SS18: variants seen among roughly 807,000 people sequenced by gnomAD.
SS18 encodes protein SSXT.
A neutral mutation model predicts 72.5 loss-of-function variants in SS18; 28 were observed. The observed-to-expected ratio is 0.39, with a 90% CI of 0.29 to 0.53. SS18 has a LOEUF of 0.53. SS18 is among the 20% of genes least tolerant of loss of function. The pLI is 0.76. For missense variants in SS18, 518 were observed against 535.3 expected, an observed-to-expected ratio of 0.97 and a Z score of 0.32; for synonymous variants, 172 against 164.2, an observed-to-expected ratio of 1.05 and a Z score of -0.37.
chr18:26,089,463 G>A (rs2054675569), intron 1 of SS18, among the ~76,000 whole-genome samples: 1 of 152,234 alleles, frequency 6.6e-6, no homozygotes, highest in African/African-American at 2.4e-5. Flanking sequence ...AACAGAAACC[G>A]ATTAGCATAA....
intron 9 of SS18, among the ~76,000 whole-genome samples, chr18:26,034,266 T>C (rs2053591348): frequency 1.3e-5 from 2 of 152,082 alleles, no homozygotes; most frequent in South Asian, 4.1e-4. Context: ...AGAGACCCTG[T>C]TAGGAAGAGA....
chr18:26,034,963 C>A lies in SS18; in HGVS notation c.1096+42G>T, dbSNP rs201779532. 3 of 1,581,408 alleles carry A rather than the reference C, an allele frequency of 1.9e-6. 1 individual carries two copies. Among genetic ancestry groups the A allele is most frequent in the South Asian group, 2.3e-5 (2 of 85,150 alleles). On this transcript the variant is annotated intron_variant, in intron 9 of 10. Transcript: ENST00000415083. ...CACTTCCATATTTTAAAACAATCAG[C>A]ACATTTTTTTGGTGATAAAAATACA... is the stretch of plus-strand genomic sequence containing the variant.
chr18:26,047,947 T>A (rs1378274573), intron 5 of SS18, among the ~76,000 whole-genome samples: 4 of 152,218 alleles, frequency 2.6e-5, no homozygotes, highest in Admixed American at 2.6e-4. Flanking sequence ...ACTTAACCTA[T>A]AAACAACTCC....
intron 3 of SS18, among the ~76,000 whole-genome samples, chr18:26,065,178 T>C (rs1012936469): frequency 9.9e-5 from 15 of 152,136 alleles, no homozygotes; most frequent in Admixed American, 4.6e-4. Context: ...CAAGATTCCA[T>C]GCAATCCCAA....
At chr18:26,057,879 T>G (rs544866279) in intron 3 of SS18, 137 bp from the exon 4 acceptor site, 1 of 791,942 alleles carries the variant, frequency 1.3e-6, no homozygotes, top group South Asian at 2.9e-5. Flanking sequence ...CTAATGCATT[T>G]TCATCATGAA....
chr18:26,062,580 C>A (rs2054143017), intron 3 of SS18, among the ~76,000 whole-genome samples: 1 of 152,156 alleles, frequency 6.6e-6, no homozygotes, highest in Admixed American at 6.5e-5. Flanking sequence ...ATGGACCCAT[C>A]ATTCCAATTA....
At chr18:26,019,447 G>A (rs1417120285) in intron 10 of SS18, among the ~76,000 whole-genome samples, 1 of 152,012 alleles carries the variant, frequency 6.6e-6, no homozygotes, top group Non-Finnish European at 1.5e-5. Context: ...CATTTCCACA[G>A]AAGTAAATAC....
chr18:26,057,101 T>A (rs1285838906), intron 4 of SS18, among the ~76,000 whole-genome samples: 1 of 152,204 alleles, frequency 6.6e-6, no homozygotes, highest in African/African-American at 2.4e-5. Flanking sequence ...ATTAAAAAAA[T>A]TTAGATTCAG....
At chr18:26,060,438 G>C (rs565359931) in intron 3 of SS18, among the ~76,000 whole-genome samples, 139 of 152,168 alleles carry the variant, frequency 9.1e-4, no homozygotes, top group African/African-American at 3.3e-3. Flanking sequence ...CACTTTATTA[G>C]GGTAGTGAAA....
intron 3 of SS18, among the ~76,000 whole-genome samples, chr18:26,059,593 ACT>A (rs2144031043): frequency 1.3e-5 from 2 of 152,152 alleles, no homozygotes; most frequent in African/African-American, 4.8e-5. Flanking sequence ...AATAACTCCA[ACT>A]CTCTGTTGAG....
At chr18:26,071,037 T>A (rs1036814106) in intron 3 of SS18, among the ~76,000 whole-genome samples, 7 of 152,064 alleles carry the variant, frequency 4.6e-5, no homozygotes, top group African/African-American at 1.4e-4. Flanking sequence ...AAAAATGAAC[T>A]GGAAAACTGG....
intron 3 of SS18, among the ~76,000 whole-genome samples, chr18:26,076,259 A>G (rs1157232727): frequency 6.6e-6 from 1 of 151,720 alleles, no homozygotes; most frequent in Non-Finnish European, 1.5e-5. Context: ...ACCAACAGCC[A>G]AGATATTCTT....
At chr18:26,076,806 C>T (rs2054422372) in intron 3 of SS18, among the ~76,000 whole-genome samples, 1 of 151,864 alleles carries the variant, frequency 6.6e-6, no homozygotes. Flanking sequence ...CAAAGAATGA[C>T]TGCAAGGGAT....
intron 3 of SS18, among the ~76,000 whole-genome samples, chr18:26,058,459 C>T (rs1273775931): frequency 6.6e-6 from 1 of 152,158 alleles, no homozygotes; most frequent in African/African-American, 2.4e-5. Flanking sequence ...AGAAAGCAAA[C>T]GGTTAGTTTC....
intron 3 of SS18, among the ~76,000 whole-genome samples, chr18:26,064,126 T>C (rs999987967): frequency 6.6e-6 from 1 of 152,052 alleles, no homozygotes; most frequent in Non-Finnish European, 1.5e-5. Context: ...ACTGAAACAA[T>C]CCTCTATTTA....
At chr18:26,047,810 T>C (rs1294071625) in intron 5 of SS18, among the ~76,000 whole-genome samples, 1 of 135,774 alleles carries the variant, frequency 7.4e-6, no homozygotes, top group Admixed American at 7.0e-5. Flanking sequence ...GCCACTGCAC[T>C]CCAGCCTCAG....
In SS18 at chr18:26,039,417, T is replaced by G; in HGVS notation, c.647A>C (p.Asn216Thr). 1 of 1,613,784 alleles carries G rather than the reference T, an allele frequency of 6.2e-7. No homozygotes were observed. Among genetic ancestry groups the G allele is most frequent in the South Asian group, 1.1e-5 (1 of 91,056 alleles). Residue 216 changes from asparagine (N) to threonine (T), a missense_variant, in exon 6 of 11, where the codon AAT becomes ACT. Coordinates refer to ENST00000415083, the MANE Select transcript of SS18 (RefSeq NM_001007559.3). ...MHQQPPSQQYNMPQGGGQHYQ... is the reference protein window; with the variant it reads ...MHQQPPSQQYTMPQGGGQHYQ... The stretch of plus-strand genomic sequence containing the variant: ...ATGCTGTCCGCCTCCCTGTGGCATA[T>G]TGTATTGCTGAGAAGGAGGCTGCTG...
intron 3 of SS18, among the ~76,000 whole-genome samples, chr18:26,067,744 G>C (rs551786384): frequency 6.6e-6 from 1 of 152,290 alleles, no homozygotes; most frequent in African/African-American, 2.4e-5. Context: ...AACTATCATG[G>C]AAGCTAAAGA....
rs1203930229 is a variant in SS18 at position 26,035,961 on chromosome 18, T to C, written c.881-38A>G. ...GACAAGAGACAGGAAGAAACGTTAATGGCCACTGAGTGAAAACCCTAAAAA... is the reference window on the plus strand; with the variant it reads ...GACAAGAGACAGGAAGAAACGTTAACGGCCACTGAGTGAAAACCCTAAAAA... On this transcript the variant is annotated intron_variant, in intron 7 of 10. Transcript: ENST00000415083. The surrounding 1 kb of genome is among the most constrained non-coding windows in gnomAD (Gnocchi z 4.4). The C allele has an allele frequency of 7.4e-7, 1 of 1,344,042 alleles. No individual in the cohort carries two copies. Among genetic ancestry groups the C allele is most frequent in the East Asian group, 2.4e-5 (1 of 42,500 alleles). The allele number at this position is 1,344,042 out of a possible 1,614,324, so 83.3% of individuals were successfully genotyped here.
Sources: allele counts gnomAD v4.1 joint callset (sites outside exome capture counted in the v4.1 genomes callset), GRCh38; gene constraint gnomAD v4.1.1; non-coding constraint Gnocchi (gnomAD v3.1); transcripts MANE v1.5; gene names NCBI Gene and HGNC (gene_info 2026-07-23, HGNC 2026-07-21).